Variants in TPPP observed in about 807,000 individuals in gnomAD.
TPPP encodes the protein tubulin polymerization-promoting protein.
Under a neutral mutation model 15.5 loss-of-function variants are expected in TPPP, and 6 were observed. The ratio of observed to expected loss-of-function variants is 0.39; its 90% CI spans 0.21 to 0.77. The LOEUF is 0.77. Among genes scored for constraint, TPPP ranks in the 30% least tolerant of loss-of-function variants. The pLI, the probability that TPPP is intolerant of heterozygous loss-of-function variation, is 0.42. For missense variants in TPPP, 269 were observed against 307.2 expected, an observed-to-expected ratio of 0.88 and a Z score of 0.93; for synonymous variants, 146 against 133.9, an observed-to-expected ratio of 1.09 and a Z score of -0.63.
chr5:685,618 AAG>A (rs1455063539), intron 1 of TPPP, among the ~76,000 whole-genome samples: 2 of 152,184 alleles, frequency 1.3e-5, no homozygotes, highest in Non-Finnish European at 2.9e-5. Context: ...CCCTCAGAAG[AAG>A]AGAGATGGCT....
At chr5:672,323 C>T (rs1296736266) in intron 2 of TPPP, among the ~76,000 whole-genome samples, 4 of 152,216 alleles carry the variant, frequency 2.6e-5, no homozygotes, top group Non-Finnish European at 4.4e-5. Flanking sequence ...TTCTAACCAG[C>T]GTCCAGGTAT....
chr5:666,228 C>G (rs1739907331), intron 2 of TPPP, 105 bp from the exon 3 acceptor site: 1 of 1,359,790 alleles, frequency 7.4e-7, no homozygotes, highest in East Asian at 2.3e-5. Context: ...CAGCAGCCCA[C>G]AGGCTTCACC....
At chr5:668,676 C>T (rs1697965) in intron 2 of TPPP, among the ~76,000 whole-genome samples, 62,520 of 152,200 alleles carry the variant, frequency 0.41, 13,271 homozygotes, top group Middle Eastern at 0.54. Context: ...CCAGCAGTCC[C>T]GTTCCTGGGT....
chr5:669,726 C>T (rs382444), intron 2 of TPPP, among the ~76,000 whole-genome samples: 69,544 of 151,796 alleles, frequency 0.46, 16,093 homozygotes, highest in Middle Eastern at 0.53. Flanking sequence ...GCTCTGCGCG[C>T]TCCCCGAGTG....
chr5:665,322 G>T, intron 3 of TPPP, 26 bp from the exon 4 acceptor site: 1 of 1,599,874 alleles, frequency 6.3e-7, no homozygotes, highest in Middle Eastern at 1.7e-4. Context: ...GAGGAAGGGG[G>T]CAGGTGAGTT....
chr5:680,254 G>A lies in TPPP; in HGVS notation c.-4-2190C>T, dbSNP rs1474315615. On this transcript the variant is annotated intron_variant, in intron 1 of 3. Transcript: ENST00000360578. ...CATGAGAGCACGGTGGGGGCCGTGG[G>A]GGAGAGGGCAGAAAGGAACAGGGGT... Among the ~76,000 whole-genome samples the A allele has an allele frequency of 4.3e-5, 5 of 115,154 alleles. No homozygotes were observed. The South Asian group carries it at 9.6e-4, about 22-fold the overall frequency. 75.5% of individuals were successfully genotyped at this position (115,154 alleles called of 152,430 possible).
intron 2 of TPPP, among the ~76,000 whole-genome samples, chr5:669,273 T>C (rs10054597): frequency 0.015 from 2,287 of 151,694 alleles, 62 homozygotes; most frequent in African/African-American, 0.052. Flanking sequence ...CAGGGGGCGC[T>C]GGTGAGCCCG....
At chr5:682,824 T>C (rs1740664619) in intron 1 of TPPP, among the ~76,000 whole-genome samples, 1 of 152,238 alleles carries the variant, frequency 6.6e-6, no homozygotes, top group African/African-American at 2.4e-5. Flanking sequence ...TGAGCCTTGC[T>C]GGCAGAGGAG....
chr5:670,083 CCTGGCCT>C (rs1319600899), intron 2 of TPPP, among the ~76,000 whole-genome samples: 6 of 81,262 alleles, frequency 7.4e-5, no homozygotes, highest in Non-Finnish European at 1.4e-4. Context: ...CTCTGAGTCC[CCTGGCCT>C]CTGGGCCTGG....
chr5:667,353 C>A (rs1475440255), intron 2 of TPPP, among the ~76,000 whole-genome samples: 2 of 152,306 alleles, frequency 1.3e-5, no homozygotes, highest in East Asian at 3.9e-4. Context: ...GGAGCTGGAG[C>A]AACTGGTGAT....
chr5:697,267 C>G (rs1395144123), upstream of TPPP, among the ~76,000 whole-genome samples: 1 of 125,450 alleles, frequency 8.0e-6, no homozygotes, highest in Non-Finnish European at 1.8e-5. Context: ...AGGTCAGGGG[C>G]TGATGAGGAG....
chr5:667,565 A>G (rs1739972980), intron 2 of TPPP, among the ~76,000 whole-genome samples: 1 of 151,982 alleles, frequency 6.6e-6, no homozygotes, highest in South Asian at 2.1e-4. Flanking sequence ...GATGAACTAG[A>G]CTTCATCAAA....
At chr5:676,603 A>T (rs1740440332) in intron 2 of TPPP, 1 of 152,288 alleles carries the variant, frequency 6.6e-6, no homozygotes, top group Non-Finnish European at 1.5e-5. Context: ...CCATTGCCAC[A>T]CAGGCGGACA....
At chr5:670,216 G>C (rs972874497) in intron 2 of TPPP, among the ~76,000 whole-genome samples, 1 of 152,184 alleles carries the variant, frequency 6.6e-6, no homozygotes, top group Non-Finnish European at 1.5e-5. Context: ...CACAGGCCCC[G>C]CTGGGCTCGG....
chr5:665,429 G>A, intron 3 of TPPP, 133 bp from the exon 4 acceptor site: 1 of 812,828 alleles, frequency 1.2e-6, no homozygotes, highest in Non-Finnish European at 1.9e-6. Context: ...TGGGATTTAT[G>A]CCCCTTTTAA....
In TPPP at chr5:685,731, A is replaced by G. The variant is rs557267670; in HGVS notation, c.-5+7547T>C. On this transcript the variant is annotated intron_variant, in intron 1 of 3. Transcript: ENST00000360578. Reference sequence around the variant, plus strand: ...CCCATCTGCAGAGTGTGGTCCTTGCAGCGCCCAGCGTGGCCACTCTGGGGA... The same window carrying G: ...CCCATCTGCAGAGTGTGGTCCTTGCGGCGCCCAGCGTGGCCACTCTGGGGA... Among the ~76,000 whole-genome samples the G allele has an allele frequency of 3.3e-5, 5 of 152,304 alleles. No homozygotes were observed. In the South Asian group the frequency reaches 1.0e-3, roughly 32 times the overall value.
At chr5:669,135 C>T (rs1348178269) in intron 2 of TPPP, among the ~76,000 whole-genome samples, 1 of 152,230 alleles carries the variant, frequency 6.6e-6, no homozygotes, top group Admixed American at 6.5e-5. Context: ...GAGCGGAGGC[C>T]TCGCTGTGTC....
chr5:698,056 A>AT (rs1741045589), upstream of TPPP, among the ~76,000 whole-genome samples: 1 of 146,628 alleles, frequency 6.8e-6, no homozygotes, highest in Admixed American at 7.0e-5. Context: ...AGAATTAAGG[A>AT]TAAAAACCAT....
upstream of TPPP, among the ~76,000 whole-genome samples, chr5:694,278 G>T (rs1561097605): frequency 6.6e-6 from 1 of 151,370 alleles, no homozygotes; most frequent in South Asian, 2.1e-4. Flanking sequence ...GTGGTGCTGG[G>T]TGCTGGGACT....
Sources: allele counts gnomAD v4.1 joint callset (sites outside exome capture counted in the v4.1 genomes callset), GRCh38; gene constraint gnomAD v4.1.1; transcripts MANE v1.5; gene names NCBI Gene and HGNC (gene_info 2026-07-23, HGNC 2026-07-21).